The following HDAC9 variants were observed in gnomAD, a reference collection of about 807,000 sequenced individuals.
HDAC9 encodes the protein MEF-2 interacting transcription repressor (MITR) protein.
In HDAC9, 41 loss-of-function variants were observed where a neutral mutation model predicts 139.4. That is an observed-to-expected ratio of 0.29 (90% CI 0.23 to 0.38). The LOEUF is 0.38. HDAC9 is among the 10% of genes least tolerant of loss of function. The pLI is 1.00. For synonymous variants in HDAC9, 517 were observed against 476.2 expected, an observed-to-expected ratio of 1.09 and a Z score of -1.12; for missense variants, 1,147 against 1,297.0, an observed-to-expected ratio of 0.88 and a Z score of 1.78.
At chr7:18,423,273 GAT>G in intron 1 of HDAC9, among the ~76,000 whole-genome samples, 1 of 152,224 alleles carries the variant, frequency 6.6e-6, no homozygotes, top group South Asian at 2.1e-4. Context: ...TATTTGCTGT[GAT>G]TCTTTTGTAA....
intron 6 of HDAC9, among the ~76,000 whole-genome samples, chr7:18,620,645 G>A (rs146269693): frequency 6.6e-6 from 1 of 152,068 alleles, no homozygotes; most frequent in African/African-American, 2.4e-5. Flanking sequence ...AGGCACATTG[G>A]TGAGGAGGAG....
intron 12 of HDAC9, among the ~76,000 whole-genome samples, chr7:18,688,516 G>C (rs527842057): frequency 2.0e-5 from 3 of 151,768 alleles, no homozygotes; most frequent in Non-Finnish European, 2.9e-5. Context: ...ACTCCTGAAG[G>C]TTACATGTTT....
At chr7:18,405,624 G>A (rs764448559) in intron 1 of HDAC9, among the ~76,000 whole-genome samples, 12 of 151,664 alleles carry the variant, frequency 7.9e-5, no homozygotes, top group Non-Finnish European at 1.5e-4. Flanking sequence ...TGGGGCATAA[G>A]AAGAAAGAAA....
intron 22 of HDAC9, among the ~76,000 whole-genome samples, chr7:18,919,748 C>A (rs576171627): frequency 6.6e-6 from 1 of 151,946 alleles, no homozygotes; most frequent in African/African-American, 2.4e-5. Context: ...TGTTGATAAG[C>A]AAATCAAAAT....
intron 22 of HDAC9, among the ~76,000 whole-genome samples, chr7:18,893,438 G>A (rs1043952461): frequency 6.6e-6 from 1 of 152,170 alleles, no homozygotes; most frequent in Non-Finnish European, 1.5e-5. Context: ...GGCATCTAGT[G>A]CTGGAGCTAC....
intron 1 of HDAC9, among the ~76,000 whole-genome samples, chr7:18,382,964 G>A (rs116347412): frequency 0.01 from 1,531 of 152,188 alleles, 27 homozygotes; most frequent in African/African-American, 0.035. Context: ...TGGAAAATCC[G>A]TGACTAAATG....
intron 1 of HDAC9, among the ~76,000 whole-genome samples, chr7:18,371,277 AT>A (rs1259842096): frequency 6.6e-6 from 1 of 152,062 alleles, no homozygotes; most frequent in African/African-American, 2.4e-5. Context: ...GGTGTAGGAG[AT>A]TTTATTTTGT....
intron 14 of HDAC9, among the ~76,000 whole-genome samples, chr7:18,749,521 A>T (rs1788265330): frequency 2.0e-5 from 3 of 152,222 alleles, no homozygotes. Context: ...ATTTTGCCAC[A>T]TGGAAATGAA....
intron 12 of HDAC9, among the ~76,000 whole-genome samples, chr7:18,700,101 C>T (rs939251741): frequency 1.3e-5 from 2 of 151,944 alleles, no homozygotes; most frequent in African/African-American, 4.8e-5. Flanking sequence ...CTTGTCCTGG[C>T]ATTGGAAGCT....
chr7:18,264,537 A>G (rs1362724582), intron 2 of HDAC9, among the ~76,000 whole-genome samples: 1 of 152,230 alleles, frequency 6.6e-6, no homozygotes, highest in Non-Finnish European at 1.5e-5. Flanking sequence ...TTGTCCAAAT[A>G]AAGTACCTCA....
intron 12 of HDAC9, among the ~76,000 whole-genome samples, chr7:18,686,546 A>G (rs1271729964): frequency 9.2e-5 from 14 of 151,894 alleles, no homozygotes; most frequent in Admixed American, 9.2e-4. Flanking sequence ...TATATTACAT[A>G]CTTGATGTGG....
intron 9 of HDAC9, among the ~76,000 whole-genome samples, chr7:18,645,678 A>G (rs1787150629): frequency 6.6e-6 from 1 of 152,182 alleles, no homozygotes; most frequent in South Asian, 2.1e-4. Context: ...AGAATAATTC[A>G]TCTCTGAAAT....
chr7:18,521,381 G>A (rs946378871), intron 2 of HDAC9, among the ~76,000 whole-genome samples: 3 of 152,124 alleles, frequency 2.0e-5, no homozygotes, highest in Admixed American at 6.5e-5. Flanking sequence ...TTCTTGTTTC[G>A]TTTTATTTCC....
In HDAC9 at chr7:18,944,146, T is replaced by A. The variant is rs1222481026; in HGVS notation, c.2937+8204T>A. On this transcript the variant is annotated intron_variant, in intron 23 of 25. Coordinates refer to ENST00000686413, the MANE Select transcript of HDAC9 (RefSeq NM_178425.4). ...ACAATTATTCAAATGAGAGTTGAGT[T>A]TCCACCACCAATCCCTCCTCACTAG... 3.9e-5 allele frequency among the ~76,000 whole-genome samples: 6 copies of A among 152,164 alleles called. No homozygotes were observed. In the South Asian group the frequency reaches 1.0e-3, roughly 26 times the overall value.
chr7:18,911,425 G>A (rs1802731461), intron 22 of HDAC9, among the ~76,000 whole-genome samples: 1 of 151,538 alleles, frequency 6.6e-6, no homozygotes, highest in Non-Finnish European at 1.5e-5. Context: ...CCTTTTCTTA[G>A]TCTAGCTAAT....
chr7:18,829,091 A>G, intron 17 of HDAC9, 70 bp from the exon 18 acceptor site: 1 of 1,054,090 alleles, frequency 9.5e-7, no homozygotes. Flanking sequence ...TTGTGCCTGG[A>G]GATCCAAGCA....
intron 2 of HDAC9, among the ~76,000 whole-genome samples, chr7:18,221,657 T>C (rs1792714939): frequency 6.6e-6 from 1 of 152,132 alleles, no homozygotes; most frequent in Admixed American, 6.5e-5. Context: ...TGAGAGAATC[T>C]GGGGAATGCA....
intron 2 of HDAC9, among the ~76,000 whole-genome samples, chr7:18,202,624 GTTAAGAT>G (rs1791215823): frequency 6.6e-6 from 1 of 152,172 alleles, no homozygotes; most frequent in Non-Finnish European, 1.5e-5. Flanking sequence ...GATTTAAGTT[GTTAAGAT>G]TTAAGGTGTT....
At chr7:18,407,339 T>C (rs1788106274) in intron 1 of HDAC9, among the ~76,000 whole-genome samples, 1 of 152,240 alleles carries the variant, frequency 6.6e-6, no homozygotes, top group South Asian at 2.1e-4. Context: ...GCAGTAAGTA[T>C]AGTTGTTCAT....
Sources: gnomAD v4.1 joint callset for allele counts (sites outside exome capture counted in the v4.1 genomes callset) on GRCh38, gnomAD v4.1.1 for gene constraint, MANE v1.5 for transcripts, NCBI Gene and HGNC (gene_info 2026-07-23, HGNC 2026-07-21) for gene names.